The following RIMS2 variants were observed in gnomAD, a reference collection of about 807,000 sequenced individuals.
RIMS2 encodes regulating synaptic membrane exocytosis 2, also known as regulating synaptic membrane exocytosis protein 2.
A neutral mutation model predicts 174.4 loss-of-function variants in RIMS2; 59 were observed. The observed-to-expected ratio is 0.34, with a 90% CI of 0.27 to 0.42. The LOEUF is 0.42. Ranked by LOEUF, RIMS2 falls within the 10% of genes least tolerant of loss-of-function variation. The pLI is 1.00. For missense variants in RIMS2, 1,620 were observed against 1,666.3 expected (o/e 0.97, Z 0.48); for synonymous variants, 606 against 572.5 (o/e 1.06, Z -0.84).
intron 3 of RIMS2, among the ~76,000 whole-genome samples, chr8:103,795,680 G>C (rs959860091): frequency 1.3e-5 from 2 of 152,114 alleles, no homozygotes; most frequent in Non-Finnish European, 2.9e-5. Flanking sequence ...AAAAGCAAAA[G>C]ATACACAATT....
At chr8:103,523,546 A>G (rs779366869) in intron 1 of RIMS2, among the ~76,000 whole-genome samples, 2 of 152,166 alleles carry the variant, frequency 1.3e-5, no homozygotes, top group African/African-American at 2.4e-5. Context: ...CTTGTATGAC[A>G]TGGCAAGGAA....
chr8:103,844,804 C>A (rs1231134345), intron 3 of RIMS2, among the ~76,000 whole-genome samples: 1 of 152,040 alleles, frequency 6.6e-6, no homozygotes, highest in Non-Finnish European at 1.5e-5. Flanking sequence ...TGAAAAGTAT[C>A]TACCTTTTGT....
chr8:103,762,528 T>C (rs1417194870), intron 2 of RIMS2, among the ~76,000 whole-genome samples: 4 of 152,236 alleles, frequency 2.6e-5, no homozygotes, highest in Admixed American at 2.6e-4. Flanking sequence ...ATTAATCATT[T>C]CATAGTCAAT....
chr8:103,503,732 G>T (rs999811904), intron 1 of RIMS2, among the ~76,000 whole-genome samples: 1 of 151,866 alleles, frequency 6.6e-6, no homozygotes, highest in Non-Finnish European at 1.5e-5. Flanking sequence ...AAGTATTCAT[G>T]CAAAGTGGAG....
chr8:104,188,260 T>TAGAG (rs1224344840), intron 19 of RIMS2, among the ~76,000 whole-genome samples: 13 of 147,558 alleles, frequency 8.8e-5, no homozygotes, highest in Non-Finnish European at 1.8e-4. Flanking sequence ...GATAGATAGA[T>TAGAG]AGATAGATAG....
intron 3 of RIMS2, among the ~76,000 whole-genome samples, chr8:103,881,892 A>G (rs757527700): frequency 2.0e-5 from 3 of 151,490 alleles, no homozygotes; most frequent in African/African-American, 4.8e-5. Context: ...GAATATAAAT[A>G]TATACTGATA....
intron 19 of RIMS2, among the ~76,000 whole-genome samples, chr8:104,179,303 TATC>T (rs1226080006): frequency 4.6e-5 from 7 of 152,068 alleles, no homozygotes; most frequent in African/African-American, 9.7e-5. Flanking sequence ...CTGCATGAAA[TATC>T]AGTGCAATGA....
At chr8:103,610,914 A>G (rs544342754) in intron 1 of RIMS2, among the ~76,000 whole-genome samples, 2 of 152,282 alleles carry the variant, frequency 1.3e-5, no homozygotes, top group Admixed American at 6.5e-5. Context: ...ACTCTTTTCT[A>G]TACATCTGGT....
rs374475515 is a variant in RIMS2 at position 104,128,858 on chromosome 8, GC to G, written c.3334+114244del. On this transcript the variant is annotated intron_variant, in intron 19 of 23. Coordinates refer to ENST00000504942, the Ensembl canonical transcript of RIMS2. ...AGTTACACCTGTTTTAAATAGAGTGGCTAAATATATTTTACATTTGCAGGAG... is the reference window on the plus strand; with the variant it reads ...AGTTACACCTGTTTTAAATAGAGTGGTAAATATATTTTACATTTGCAGGAG... Among the ~76,000 whole-genome samples, 38 of 152,138 alleles carry G rather than the reference GC, an allele frequency of 2.5e-4. No individual in the cohort carries two copies. The East Asian group carries it at 4.8e-3, about 19-fold the overall frequency.
At chr8:103,541,632 G>GT (rs1179840242) in intron 1 of RIMS2, among the ~76,000 whole-genome samples, 1 of 152,246 alleles carries the variant, frequency 6.6e-6, no homozygotes. Context: ...ACTGGTAAAA[G>GT]TAAGTACACA....
chr8:103,791,315 C>A (rs528001353), intron 3 of RIMS2, among the ~76,000 whole-genome samples: 1 of 152,130 alleles, frequency 6.6e-6, no homozygotes, highest in African/African-American at 2.4e-5. Flanking sequence ...CATATCCAGT[C>A]AAACTAAGCT....
exon 24 of RIMS2, chr8:104,251,670 A>G: frequency 2.5e-6 from 4 of 1,610,222 alleles, no homozygotes; most frequent in Non-Finnish European, 3.4e-6. Flanking sequence ...AGATACTTTT[A>G]GATGAACTAG....
chr8:104,246,006 T>C (rs1352674583), intron 20 of RIMS2, among the ~76,000 whole-genome samples: 1 of 152,188 alleles, frequency 6.6e-6, no homozygotes, highest in Non-Finnish European at 1.5e-5. Context: ...ATTAAGGAAG[T>C]CTAAAAAGAG....
At chr8:104,204,947 T>G (rs2099072800) in intron 19 of RIMS2, among the ~76,000 whole-genome samples, 1 of 152,192 alleles carries the variant, frequency 6.6e-6, no homozygotes, top group Non-Finnish European at 1.5e-5. Flanking sequence ...TAAACAAACC[T>G]AAGATTACCA....
At chr8:103,781,884 A>G (rs1592212633) in intron 3 of RIMS2, among the ~76,000 whole-genome samples, 2 of 151,604 alleles carry the variant, frequency 1.3e-5, no homozygotes, top group Admixed American at 1.3e-4. Context: ...AGTAACTGGG[A>G]TTACAGGTGT....
chr8:104,193,335 T>C (rs2099007502), intron 19 of RIMS2, among the ~76,000 whole-genome samples: 1 of 152,172 alleles, frequency 6.6e-6, no homozygotes, highest in Non-Finnish European at 1.5e-5. Context: ...TGGTGTTCAA[T>C]TTACTGCATT....
chr8:103,926,215 CAG>C (rs2078747018), intron 10 of RIMS2, among the ~76,000 whole-genome samples: 1 of 151,634 alleles, frequency 6.6e-6, no homozygotes, highest in East Asian at 1.9e-4. Context: ...GGTAGGAAGA[CAG>C]GGGAAATAAA....
intron 19 of RIMS2, among the ~76,000 whole-genome samples, chr8:104,068,985 G>C (rs1344195786): frequency 3.3e-5 from 5 of 151,864 alleles, no homozygotes; most frequent in African/African-American, 9.7e-5. Context: ...TGAATTATTG[G>C]AACAAAATAC....
At chr8:104,159,968 G>A (rs1312034574) in intron 19 of RIMS2, among the ~76,000 whole-genome samples, 3 of 151,976 alleles carry the variant, frequency 2.0e-5, no homozygotes, top group South Asian at 4.2e-4. Context: ...GTGAAACCCC[G>A]TCTCTACTAA....
Sources: gnomAD v4.1 joint callset for allele counts (sites outside exome capture counted in the v4.1 genomes callset) on GRCh38, gnomAD v4.1.1 for gene constraint, MANE v1.5 for transcripts, NCBI Gene and HGNC (gene_info 2026-07-23, HGNC 2026-07-21) for gene names.